RNF130: variants seen among roughly 807,000 people sequenced by gnomAD.
RNF130 encodes ring finger protein 130, also known as E3 ubiquitin-protein ligase RNF130.
Under a neutral mutation model 44.6 loss-of-function variants are expected in RNF130, and 21 were observed. That is an observed-to-expected ratio of 0.47 (90% confidence interval 0.33 to 0.68). The LOEUF is 0.68. Ranked by LOEUF, RNF130 falls within the 30% of genes least tolerant of loss-of-function variation. The pLI is 0.02. For synonymous variants in RNF130, 214 were observed against 210.4 expected, an observed-to-expected ratio of 1.02 and a Z score of -0.15; for missense variants, 479 against 560.6, an observed-to-expected ratio of 0.85 and a Z score of 1.47.
At chr5:180,042,596 A>T (rs1764448345) in intron 1 of RNF130, among the ~76,000 whole-genome samples, 1 of 152,224 alleles carries the variant, frequency 6.6e-6, no homozygotes, top group African/African-American at 2.4e-5. Context: ...CAGCTCAGTG[A>T]CCTGTTACGA....
At chr5:179,935,384 GTTAA>G (rs1391696720) in intron 7 of RNF130, among the ~76,000 whole-genome samples, 5 of 152,078 alleles carry the variant, frequency 3.3e-5, no homozygotes, top group Non-Finnish European at 7.3e-5. Context: ...CATCTTGTCT[GTTAA>G]TTGTGACATT....
chr5:179,976,561 CCA>C (rs2113714395), intron 5 of RNF130, among the ~76,000 whole-genome samples: 1 of 152,252 alleles, frequency 6.6e-6, no homozygotes, highest in African/African-American at 2.4e-5. Flanking sequence ...ACTGGCTGTT[CCA>C]CAGTTTAATT....
chr5:179,912,216 A>G (rs1761477042), exon 8 of RNF130: 1 of 152,200 alleles, frequency 6.6e-6, no homozygotes, highest in Admixed American at 6.5e-5. Flanking sequence ...GGCAACTTTA[A>G]TATTTTATGA....
intron 2 of RNF130, among the ~76,000 whole-genome samples, chr5:180,033,552 T>C (rs541379419): frequency 6.6e-5 from 10 of 152,252 alleles, no homozygotes; most frequent in African/African-American, 2.4e-4. Context: ...GGTGAAACCA[T>C]GGTGGTGTGC....
chr5:179,920,602 C>T (rs1348623234), intron 7 of RNF130, among the ~76,000 whole-genome samples: 1 of 152,074 alleles, frequency 6.6e-6, no homozygotes, highest in Non-Finnish European at 1.5e-5. Context: ...TTCACGCAGG[C>T]TTTAAGCATC....
intron 3 of RNF130, among the ~76,000 whole-genome samples, chr5:179,987,871 C>T (rs1166871576): frequency 1.3e-5 from 2 of 152,174 alleles, no homozygotes; most frequent in South Asian, 2.1e-4. Flanking sequence ...CACTTTGCTT[C>T]GTACTGGGTT....
At chr5:179,917,944 T>C (rs1400670846) in exon 8 of RNF130, 2 of 152,210 alleles carry the variant, frequency 1.3e-5, no homozygotes, top group African/African-American at 4.8e-5. Context: ...AGGTGGAGGC[T>C]GCAGTGAGCC....
intron 3 of RNF130, among the ~76,000 whole-genome samples, chr5:179,990,110 GAA>G (rs1303388647): frequency 6.6e-6 from 1 of 152,164 alleles, no homozygotes; most frequent in African/African-American, 2.4e-5. Flanking sequence ...AGAGATAAAA[GAA>G]AAGATAGCTG....
intron 8 of RNF130, among the ~76,000 whole-genome samples, chr5:179,960,027 A>C (rs144232353): frequency 6.6e-6 from 1 of 152,130 alleles, no homozygotes; most frequent in Admixed American, 6.5e-5. Flanking sequence ...TCTCTACTAC[A>C]CATTTGTATA....
rs188639770 is a variant in RNF130 at position 180,023,544 on chromosome 5, C to T, written c.443-10233G>A. 6.6e-5 allele frequency among the ~76,000 whole-genome samples: 10 copies of T among 152,112 alleles called. No homozygotes were observed. The East Asian group carries it at 1.5e-3, about 24-fold the overall frequency. On this transcript the variant is annotated intron_variant, in intron 2 of 8. Coordinates refer to ENST00000521389, the MANE Select transcript of RNF130 (RefSeq NM_018434.6). ...GCTCAAAAACTAAACTAAACCAAAA[C>T]AAAAAAACAAAAATCCAACACCCAC...
intron 1 of RNF130, among the ~76,000 whole-genome samples, chr5:180,053,035 A>G (rs1421511982): frequency 2.0e-5 from 3 of 152,244 alleles, no homozygotes; most frequent in African/African-American, 4.8e-5. Context: ...ACGTCCTTCA[A>G]GGAATCCCAA....
intron 2 of RNF130, among the ~76,000 whole-genome samples, chr5:180,014,680 C>T (rs1176394312): frequency 6.6e-6 from 1 of 152,142 alleles, no homozygotes; most frequent in Non-Finnish European, 1.5e-5. Context: ...GAAGACTACA[C>T]GCAACTGAAA....
intron 2 of RNF130, among the ~76,000 whole-genome samples, chr5:180,025,749 A>T (rs1005204244): frequency 1.1e-4 from 17 of 152,210 alleles, no homozygotes; most frequent in African/African-American, 4.1e-4. Flanking sequence ...GTACACTTCA[A>T]TTCCAAGCTC....
chr5:179,930,920 T>C (rs1761798534), intron 7 of RNF130, among the ~76,000 whole-genome samples: 1 of 150,934 alleles, frequency 6.6e-6, no homozygotes, highest in South Asian at 2.1e-4. Context: ...TGCATGACTG[T>C]AGTTCCAGCT....
chr5:179,973,604 C>T lies in RNF130; in HGVS notation c.849-3098G>A, dbSNP rs545422135. Among the ~76,000 whole-genome samples the T allele has an allele frequency of 6.2e-4, 95 of 152,308 alleles. No individual in the cohort carries two copies. The South Asian group carries it at 0.012, about 20-fold the overall frequency. ...GGCCATCACACGGGCAGAGCGGCCCCGCCACCTGGCCATTCCCGCACGCCT... is the reference window on the plus strand; with the variant it reads ...GGCCATCACACGGGCAGAGCGGCCCTGCCACCTGGCCATTCCCGCACGCCT... On this transcript the variant is annotated intron_variant, in intron 5 of 8. Coordinates refer to ENST00000521389, the MANE Select transcript of RNF130 (RefSeq NM_018434.6).
chr5:180,071,400 C>T, intron 1 of RNF130, 56 bp downstream of exon 1: 4 of 1,228,432 alleles, frequency 3.3e-6, no homozygotes, highest in Non-Finnish European at 4.1e-6. Context: ...ACCCTAGTCC[C>T]GCCGCCTACG....
intron 2 of RNF130, chr5:180,015,284 C>T (rs750408133): frequency 3.6e-5 from 18 of 501,154 alleles, no homozygotes; most frequent in Admixed American, 2.2e-4. Context: ...TGTTGTTCAA[C>T]GGGCCATGAT....
chr5:179,988,784 G>C (rs946406006), intron 3 of RNF130, among the ~76,000 whole-genome samples: 4 of 152,160 alleles, frequency 2.6e-5, no homozygotes, highest in African/African-American at 7.2e-5. Flanking sequence ...AATTTGTTGA[G>C]ACTTGTTTTG....
At chr5:179,975,414 C>G (rs1303259021) in intron 5 of RNF130, among the ~76,000 whole-genome samples, 1 of 152,200 alleles carries the variant, frequency 6.6e-6, no homozygotes, top group Admixed American at 6.5e-5. Context: ...CAGGCCCACA[C>G]CCCCACACAA....
Sources: allele counts gnomAD v4.1 joint callset (sites outside exome capture counted in the v4.1 genomes callset), GRCh38; gene constraint gnomAD v4.1.1; transcripts MANE v1.5; gene names NCBI Gene and HGNC (gene_info 2026-07-23, HGNC 2026-07-21).